The following FAM227B variants were observed in gnomAD, a reference collection of about 807,000 sequenced individuals.
FAM227B encodes the protein protein FAM227B.
Under a neutral mutation model 73.8 loss-of-function variants are expected in FAM227B, and 88 were observed. The ratio of observed to expected loss-of-function variants is 1.19; its 90% CI spans 1.00 to 1.42. The LOEUF is 1.42. Ranked by LOEUF, FAM227B falls within the 40% of genes most tolerant of loss-of-function variation. FAM227B has a pLI of 0.00. For missense variants in FAM227B, 632 were observed against 590.9 expected, an observed-to-expected ratio of 1.07 and a Z score of -0.72; for synonymous variants, 210 against 190.5, an observed-to-expected ratio of 1.10 and a Z score of -0.84.
chr15:49,560,319 A>G (rs1224617141), intron 9 of FAM227B, among the ~76,000 whole-genome samples: 1 of 152,186 alleles, frequency 6.6e-6, no homozygotes, highest in Non-Finnish European at 1.5e-5. Flanking sequence ...CCAGTCAGAC[A>G]AAAAGAAATA....
intron 13 of FAM227B, chr15:49,366,383 G>A (rs2045192549): frequency 2.5e-6 from 2 of 793,348 alleles, no homozygotes; most frequent in East Asian, 4.8e-5. Context: ...TGCATTTCTG[G>A]TGTTTTCAAG....
chr15:49,388,673 G>T (rs1023583483), intron 11 of FAM227B, among the ~76,000 whole-genome samples: 3 of 151,824 alleles, frequency 2.0e-5, no homozygotes, highest in African/African-American at 7.3e-5. Context: ...CACAACAAAA[G>T]AAATAATTGA....
At chr15:49,520,619 A>G (rs979358176) in intron 10 of FAM227B, among the ~76,000 whole-genome samples, 4 of 152,166 alleles carry the variant, frequency 2.6e-5, no homozygotes, top group Non-Finnish European at 2.9e-5. Flanking sequence ...CACATCTTAC[A>G]TGGTGGCTGG....
chr15:49,487,404 C>A (rs1450754683), intron 11 of FAM227B: 1 of 147,700 alleles, frequency 6.8e-6, no homozygotes, highest in Non-Finnish European at 1.5e-5. Context: ...AACATTTTGA[C>A]ATAAGCCATA....
intron 11 of FAM227B, among the ~76,000 whole-genome samples, chr15:49,495,051 C>T (rs1054723852): frequency 2.6e-5 from 4 of 152,154 alleles, no homozygotes; most frequent in African/African-American, 9.7e-5. Flanking sequence ...ATTCACTTCT[C>T]CATAACACAG....
intron 13 of FAM227B, among the ~76,000 whole-genome samples, chr15:49,343,278 A>C (rs1484515728): frequency 1.3e-5 from 2 of 151,868 alleles, no homozygotes; most frequent in African/African-American, 4.8e-5. Context: ...ACTGGTCTTC[A>C]AGCTCTGAGG....
intron 3 of FAM227B, among the ~76,000 whole-genome samples, chr15:49,609,928 G>T (rs893569217): frequency 4.0e-5 from 6 of 151,740 alleles, no homozygotes; most frequent in Admixed American, 1.3e-4. Flanking sequence ...AAACTTGAAG[G>T]CTATAAATAT....
intron 9 of FAM227B, among the ~76,000 whole-genome samples, chr15:49,555,273 T>G (rs1242195594): frequency 6.6e-6 from 1 of 152,232 alleles, no homozygotes; most frequent in Admixed American, 6.5e-5. Context: ...CCCTTAACAT[T>G]TGCTTATCTG....
At chr15:49,379,994 C>G (rs1285674513) in intron 11 of FAM227B, among the ~76,000 whole-genome samples, 1 of 152,324 alleles carries the variant, frequency 6.6e-6, no homozygotes, top group Non-Finnish European at 1.5e-5. Flanking sequence ...GTACCCCAGG[C>G]CCTGGGTGGG....
chr15:49,521,944 A>G (rs958066335), intron 10 of FAM227B, among the ~76,000 whole-genome samples: 4 of 152,146 alleles, frequency 2.6e-5, no homozygotes, highest in Non-Finnish European at 5.9e-5. Flanking sequence ...TCCACTCATT[A>G]TCAAGATACT....
At chr15:49,430,530 T>G (rs928302472) in intron 11 of FAM227B, among the ~76,000 whole-genome samples, 25 of 151,808 alleles carry the variant, frequency 1.6e-4, no homozygotes, top group Non-Finnish European at 1.2e-4. Context: ...TATAAGAGAA[T>G]ACTGCAGATT....
intron 11 of FAM227B, among the ~76,000 whole-genome samples, chr15:49,469,185 T>G (rs962350174): frequency 6.6e-6 from 1 of 152,206 alleles, no homozygotes; most frequent in Admixed American, 6.5e-5. Flanking sequence ...TATTTTCTTA[T>G]AAGACATTTG....
At chr15:49,531,815 C>G (rs946087214) in intron 10 of FAM227B, among the ~76,000 whole-genome samples, 3 of 151,884 alleles carry the variant, frequency 2.0e-5, no homozygotes, top group Non-Finnish European at 4.4e-5. Flanking sequence ...TGTTCATTTA[C>G]ATTTCAGCAC....
At chr15:49,404,335 A>T (rs2048368090) in intron 11 of FAM227B, among the ~76,000 whole-genome samples, 1 of 152,094 alleles carries the variant, frequency 6.6e-6, no homozygotes. Flanking sequence ...TGCCTCAATG[A>T]TCTGTATTAA....
chr15:49,339,775 A>G (rs778101165), intron 13 of FAM227B, among the ~76,000 whole-genome samples: 4 of 152,142 alleles, frequency 2.6e-5, no homozygotes, highest in Non-Finnish European at 5.9e-5. Context: ...GGTTTTATCT[A>G]TAAGTCCCTG....
intron 3 of FAM227B, among the ~76,000 whole-genome samples, chr15:49,593,223 C>G (rs947986914): frequency 6.6e-6 from 1 of 152,144 alleles, no homozygotes; most frequent in African/African-American, 2.4e-5. Context: ...TGAGATGAAG[C>G]AGGTACCTCA....
At chr15:49,376,147 T>G (rs1356603539) in intron 11 of FAM227B, among the ~76,000 whole-genome samples, 1 of 152,028 alleles carries the variant, frequency 6.6e-6, no homozygotes, top group African/African-American at 2.4e-5. Context: ...GAAGTTCAAT[T>G]TATTTATTTT....
chr15:49,432,882 T>C (rs377364693), intron 11 of FAM227B, among the ~76,000 whole-genome samples: 60 of 151,724 alleles, frequency 4.0e-4, no homozygotes, highest in African/African-American at 1.4e-3. Context: ...CCAACAGCTA[T>C]TATTTGGGCC....
intron 11 of FAM227B, among the ~76,000 whole-genome samples, chr15:49,459,707 T>C (rs2053622313): frequency 6.6e-6 from 1 of 152,180 alleles, no homozygotes; most frequent in South Asian, 2.1e-4. Flanking sequence ...GTACACATTT[T>C]CAGGGGCCAA....
Sources: gnomAD v4.1 joint callset for allele counts (sites outside exome capture counted in the v4.1 genomes callset) on GRCh38, gnomAD v4.1.1 for gene constraint, MANE v1.5 for transcripts, NCBI Gene and HGNC (gene_info 2026-07-23, HGNC 2026-07-21) for gene names.